The following MDN1 variants were observed in gnomAD, a reference collection of about 807,000 sequenced individuals.
The protein encoded by MDN1 is midasin AAA ATPase 1.
In MDN1, 266 loss-of-function variants were observed where a neutral mutation model predicts 669.2. The observed-to-expected ratio is 0.40, with a 90% CI of 0.36 to 0.44. The LOEUF (loss-of-function observed/expected upper bound fraction) is 0.44. Among genes scored for constraint, MDN1 ranks in the 20% least tolerant of loss-of-function variants. The probability of loss-of-function intolerance (pLI) is 1.00; values close to 1 mark genes in which losing one functional copy is unlikely to be tolerated. For synonymous variants in MDN1, 2,385 were observed against 2,457.1 expected, an observed-to-expected ratio of 0.97 and a Z score of 0.87; for missense variants, 5,940 against 6,754.0, an observed-to-expected ratio of 0.88 and a Z score of 4.22.
Position 89,753,560 on chromosome 6 carries a change from G to A in MDN1, c.3027C>T (p.Leu1009=), listed in dbSNP as rs1320504874. The A allele has an allele frequency of 6.2e-7, 1 of 1,613,814 alleles. No individual in the cohort carries two copies. Among genetic ancestry groups the A allele is most frequent in the Admixed American group, 1.7e-5 (1 of 60,020 alleles). Residue 1009 remains leucine, a synonymous_variant, in exon 22 of 102, where the codon CTC becomes CTT. Coordinates refer to ENST00000369393, the MANE Select transcript of MDN1 (RefSeq NM_014611.3). ...DRASHPIVQK[L]ICQHIVPGNV... is the part of the protein sequence containing the mutation. ...TGCCAGGGACAATGTGTTGACAGAT[G>A]AGCTTCTGAACTATTGGGTGTGATG...
At position 89,743,649 on chromosome 6, in the gene MDN1, C is replaced by G. The variant is rs1291658172; in HGVS notation, c.4244G>C (p.Ser1415Thr). The G allele has an allele frequency of 3.7e-6, 6 of 1,614,028 alleles. No homozygotes were observed. The highest frequency in any genetic ancestry group is 5.1e-6 in the Non-Finnish European group (6 of 1,179,992). ...TGATGTCTCCATGTGTAAGTGGCAG[C>G]TGACAGAGTATAATTTCTGATTTGC... ...ALANQKLYSV[S>T]CHLHMETSDF... The change falls in exon 30 of 102, where the codon AGC (serine) becomes ACC (threonine). Residue 1415 changes from serine to threonine, a missense_variant. Coordinates refer to ENST00000369393, the MANE Select transcript of MDN1 (RefSeq NM_014611.3).
chr6:89,708,538 TGGTCC>T lies in MDN1; in HGVS notation c.7851_7855del (p.Asp2618AlafsTer2), dbSNP rs748431598. 3.1e-6 allele frequency: 5 copies of T among 1,614,154 alleles called. No individual in the cohort carries two copies. In the Middle Eastern group the frequency reaches 4.9e-4, roughly 160 times the overall value. ...TAAAAGGGCAAAGAGCTGGTCAGGC[TGGTCC>T]GTTTGTGGGTCAAAGTCCATCAAAT... On this transcript the variant is annotated frameshift_variant, in exon 51 of 102. Transcript: ENST00000369393. LOFTEE classifies it high-confidence loss of function.
At chr6:89,786,265 A>C (rs1818953304) in intron 8 of MDN1, among the ~76,000 whole-genome samples, 1 of 152,014 alleles carries the variant, frequency 6.6e-6, no homozygotes, top group Admixed American at 6.6e-5. Flanking sequence ...CTCAAAAAAA[A>C]TTAATTAAAT....
At chr6:89,676,272 A>G in intron 76 of MDN1, 65 bp from the exon 77 acceptor site, 1 of 1,399,020 alleles carries the variant, frequency 7.1e-7, no homozygotes, top group Non-Finnish European at 1.0e-6. Flanking sequence ...GATCCTGAAA[A>G]CTCAGATATT....
At position 89,743,257 on chromosome 6, in the gene MDN1, G is replaced by C; in HGVS notation, c.4341C>G (p.Leu1447=). The change falls in exon 31 of 102, where the codon CTC becomes CTG. Residue 1447 remains leucine (L), a synonymous_variant. Transcript: ENST00000369393. ...NDKEEIDTSR[L]FEWHDGPLVQ... Reference sequence around the variant, plus strand: ...CCAGAGGCCCATCATGCCACTCAAAGAGTCTTGATGTGTCAATTTCTTCCT... The same window carrying C: ...CCAGAGGCCCATCATGCCACTCAAACAGTCTTGATGTGTCAATTTCTTCCT... 6.2e-7 allele frequency: 1 copy of C among 1,614,130 alleles called. No individual in the cohort carries two copies. Among genetic ancestry groups the C allele is most frequent in the South Asian group, 1.1e-5 (1 of 91,082 alleles).
chr6:89,817,382 C>G (rs767069301), intron 1 of MDN1, among the ~76,000 whole-genome samples: 1 of 152,182 alleles, frequency 6.6e-6, no homozygotes, highest in Non-Finnish European at 1.5e-5. Flanking sequence ...CATTTACTGC[C>G]TACTGCATAT....
At chr6:89,712,543 A>C in intron 48 of MDN1, 32 bp downstream of exon 48, 3 of 1,598,700 alleles carry the variant, frequency 1.9e-6, no homozygotes, top group Non-Finnish European at 2.6e-6. Context: ...CCAGCCAAGA[A>C]ACCAGAGACA....
chr6:89,702,999 A>G (rs977878980), intron 53 of MDN1, among the ~76,000 whole-genome samples: 5 of 151,094 alleles, frequency 3.3e-5, no homozygotes, highest in African/African-American at 1.2e-4. Context: ...GCAATGGCGC[A>G]ATCTCAGCTC....
At position 89,723,629 on chromosome 6, in the gene MDN1, C is replaced by G; in HGVS notation, c.5671-10G>C. The G allele has an allele frequency of 6.8e-7, 1 of 1,460,824 alleles. No individual in the cohort carries two copies. Among genetic ancestry groups the G allele is most frequent in the Non-Finnish European group, 9.3e-7 (1 of 1,070,332 alleles). The allele number at this position is 1,460,824 out of a possible 1,614,324, so 90.5% of individuals were successfully genotyped here. On this transcript the variant is annotated splice_polypyrimidine_tract_variant and intron_variant, in intron 38 of 101. Transcript: ENST00000369393. The stretch of plus-strand genomic sequence containing the variant: ...GGGGATCAACGAAGACCTAGAAATC[C>G]AAAAATAATATGAAGAAATGCCTTT...
intron 22 of MDN1, among the ~76,000 whole-genome samples, chr6:89,752,666 T>C (rs1817015615): frequency 6.6e-6 from 1 of 152,202 alleles, no homozygotes; most frequent in South Asian, 2.1e-4. Flanking sequence ...AATCAGAAGG[T>C]ATAGATTATA....
At chr6:89,732,874 G>T in intron 33 of MDN1, 99 bp from the exon 34 acceptor site, 1 of 992,256 alleles carries the variant, frequency 1.0e-6, no homozygotes, top group Non-Finnish European at 1.5e-6. Context: ...AGGGGTCTCT[G>T]CTCCTTCTAA....
Position 89,668,032 on chromosome 6 carries a change from C to G in MDN1, c.14076G>C (p.Gln4692His). The G allele has an allele frequency of 6.2e-7, 1 of 1,613,900 alleles. No homozygotes were observed. The highest frequency in any genetic ancestry group is 1.1e-5 in the South Asian group (1 of 91,052). ...EGEGMKDVSD[Q>H]IGNEEQVEDT... ...AACGTACCTGTTCTTCATTTCCGAT[C>G]TGGTCACTCACATCCTTCATGCCCT... The change falls in exon 84 of 102, where the codon CAG becomes CAC. Residue 4692 changes from glutamine (Q) to histidine (H), a missense_variant. Coordinates refer to ENST00000369393, the MANE Select transcript of MDN1 (RefSeq NM_014611.3).
chr6:89,688,876 T>G, intron 65 of MDN1, 68 bp from the exon 66 acceptor site: 1 of 1,339,052 alleles, frequency 7.5e-7, no homozygotes, highest in Non-Finnish European at 1.0e-6. Context: ...GTCAAAAAGA[T>G]GTCAGCAACA....
In MDN1 at chr6:89,713,972, G is replaced by A. The variant is rs553910741; in HGVS notation, c.7069+571C>T. ...AAGAATGGCATGAACCTGGGAGGCG[G>A]AGCTTGCAGTGAGCCAAGATCACGC... On this transcript the variant is annotated intron_variant, in intron 46 of 101. Transcript: ENST00000369393. Among the ~76,000 whole-genome samples, 4 of 151,646 alleles carry A rather than the reference G, an allele frequency of 2.6e-5. No individual in the cohort carries two copies. In the East Asian group the frequency reaches 7.8e-4, roughly 29 times the overall value.
chr6:89,675,496 C>A lies in MDN1; in HGVS notation c.12729G>T (p.Leu4243=), dbSNP rs1320396823. 6 of 1,613,718 alleles carry A rather than the reference C, an allele frequency of 3.7e-6. No homozygotes were observed. The highest frequency in any genetic ancestry group is 1.7e-5 in the Admixed American group (1 of 60,026). The change falls in exon 78 of 102, where the codon CTG becomes CTT. Residue 4243 remains leucine (L), a synonymous_variant. Coordinates refer to ENST00000369393, the MANE Select transcript of MDN1 (RefSeq NM_014611.3). Reference sequence around the variant, plus strand: ...TGATCCACTGCTCACTGAGCGTGGTCAGGGAGCGCCGCTGTCGGACGAGCA... The same window carrying A: ...TGATCCACTGCTCACTGAGCGTGGTAAGGGAGCGCCGCTGTCGGACGAGCA... ...MKMLVRQRRS[L]TTLSEQWIIL...
chr6:89,751,658 G>T (rs1289997110), intron 22 of MDN1, 76 bp from the exon 23 acceptor site: 1 of 1,458,086 alleles, frequency 6.9e-7, no homozygotes, highest in Non-Finnish European at 9.3e-7. Flanking sequence ...TAGGAAAACA[G>T]CCACTTGTTG....
At chr6:89,661,975 G>T (rs1809799562) in intron 87 of MDN1, 112 bp downstream of exon 87, 2 of 1,206,212 alleles carry the variant, frequency 1.7e-6, no homozygotes, top group East Asian at 4.7e-5. Flanking sequence ...GAGGTAATGG[G>T]AGAGCAGTCG....
intron 1 of MDN1, among the ~76,000 whole-genome samples, chr6:89,809,861 T>C (rs1584405356): frequency 6.9e-6 from 1 of 145,698 alleles, no homozygotes; most frequent in Non-Finnish European, 1.5e-5. Flanking sequence ...TGGTGGTGTA[T>C]GCCTGTAGTC....
chr6:89,698,153 C>T (rs1812896737), intron 59 of MDN1, among the ~76,000 whole-genome samples: 1 of 152,168 alleles, frequency 6.6e-6, no homozygotes, highest in Non-Finnish European at 1.5e-5. Context: ...ACTGGCTCTT[C>T]ACATCTTTAA....
Sources: allele counts gnomAD v4.1 joint callset (sites outside exome capture counted in the v4.1 genomes callset), GRCh38; gene constraint gnomAD v4.1.1; transcripts MANE v1.5; gene names NCBI Gene and HGNC (gene_info 2026-07-23, HGNC 2026-07-21).